The following MYO3B variants were observed in gnomAD, a reference collection of about 807,000 sequenced individuals.
The protein encoded by MYO3B is myosin-IIIb.
A neutral mutation model predicts 174.6 loss-of-function variants in MYO3B; 156 were observed. The observed-to-expected ratio is 0.89, with a 90% CI of 0.78 to 1.02. MYO3B has a LOEUF of 1.02. Among genes scored for constraint, MYO3B ranks in the 50% least tolerant of loss-of-function variants. MYO3B has a pLI of 0.00. For synonymous variants in MYO3B, 563 were observed against 569.1 expected, an observed-to-expected ratio of 0.99 and a Z score of 0.15; for missense variants, 1,632 against 1,639.4, an observed-to-expected ratio of 1.00 and a Z score of 0.08.
intron 32 of MYO3B, among the ~76,000 whole-genome samples, chr2:170,627,487 T>C (rs1371351368): frequency 6.6e-6 from 1 of 152,188 alleles, no homozygotes; most frequent in African/African-American, 2.4e-5. Context: ...TTCTTTGCGA[T>C]GGGTTCGAAC....
chr2:170,515,026 G>C lies in MYO3B; in HGVS notation c.3472+4G>C, dbSNP rs1197790248. The C allele has an allele frequency of 1.2e-6, 2 of 1,612,436 alleles. No homozygotes were observed. The highest frequency in any genetic ancestry group is 4.5e-5 in the East Asian group (2 of 44,868). ...AGCGAGCCTGGTGACCATAAAGGTA[G>C]AGTCTTTCGAGATTTAGAATGAGTG... On this transcript the variant is annotated splice_donor_region_variant and intron_variant, in intron 29 of 34. Transcript: ENST00000408978.
intron 6 of MYO3B, among the ~76,000 whole-genome samples, chr2:170,219,673 T>C (rs932197146): frequency 4.6e-5 from 7 of 151,598 alleles, no homozygotes; most frequent in African/African-American, 1.2e-4. Flanking sequence ...GTTGAATGAA[T>C]GAATGCATCC....
chr2:170,524,714 C>T (rs895582823), intron 30 of MYO3B: 4 of 314,060 alleles, frequency 1.3e-5, no homozygotes, highest in African/African-American at 2.3e-5. Context: ...GAACTCCTGA[C>T]GTTCTAGCGA....
intron 25 of MYO3B, among the ~76,000 whole-genome samples, chr2:170,474,970 A>G (rs1019884626): frequency 1.3e-5 from 2 of 152,092 alleles, no homozygotes; most frequent in Non-Finnish European, 2.9e-5. Context: ...AAATATATAT[A>G]GTTACTATCG....
chr2:170,191,250 G>A (rs1400564746), intron 1 of MYO3B, among the ~76,000 whole-genome samples: 1 of 151,816 alleles, frequency 6.6e-6, no homozygotes, highest in African/African-American at 2.4e-5. Context: ...TCCTCAAGCA[G>A]AAGGAAAGAG....
At chr2:170,605,587 G>A (rs1455767182) in intron 32 of MYO3B, among the ~76,000 whole-genome samples, 1 of 152,172 alleles carries the variant, frequency 6.6e-6, no homozygotes, top group African/African-American at 2.4e-5. Context: ...GCCGGGCACG[G>A]TGGCTCACGC....
intron 32 of MYO3B, among the ~76,000 whole-genome samples, chr2:170,615,655 A>G (rs1265823853): frequency 6.6e-6 from 1 of 152,252 alleles, no homozygotes; most frequent in Non-Finnish European, 1.5e-5. Context: ...CTGGACGCAG[A>G]TTAGTATTGC....
chr2:170,564,033 C>A (rs1002702003), intron 32 of MYO3B, among the ~76,000 whole-genome samples: 2 of 152,210 alleles, frequency 1.3e-5, no homozygotes, highest in African/African-American at 4.8e-5. Flanking sequence ...ATCTGAGGCA[C>A]ATGTGCCCAG....
At chr2:170,529,299 C>T (rs1453758738) in intron 30 of MYO3B, among the ~76,000 whole-genome samples, 1 of 151,846 alleles carries the variant, frequency 6.6e-6, no homozygotes, top group Non-Finnish European at 1.5e-5. Flanking sequence ...CAACAAACCC[C>T]CATGACACAA....
intron 32 of MYO3B, among the ~76,000 whole-genome samples, chr2:170,630,751 AC>A: frequency 6.6e-6 from 1 of 152,314 alleles, no homozygotes; most frequent in Non-Finnish European, 1.5e-5. Flanking sequence ...CGCTGCTTAT[AC>A]CCAGGCAAAC....
At chr2:170,439,075 GT>G (rs369103393) in intron 22 of MYO3B, among the ~76,000 whole-genome samples, 10,664 of 131,658 alleles carry the variant, frequency 0.081, 386 homozygotes, top group South Asian at 0.11. Context: ...TATTTAAATT[GT>G]TTTTTTTTTT....
intron 25 of MYO3B, among the ~76,000 whole-genome samples, chr2:170,467,510 G>T (rs1684716364): frequency 7.1e-6 from 1 of 140,604 alleles, no homozygotes; most frequent in African/African-American, 2.6e-5. Flanking sequence ...TTTCTGTGAA[G>T]AAATAAGGAA....
chr2:170,493,029 C>T (rs749276922), intron 25 of MYO3B, among the ~76,000 whole-genome samples: 27 of 147,758 alleles, frequency 1.8e-4, no homozygotes, highest in Non-Finnish European at 3.5e-4. Context: ...CTTCCGCCCT[C>T]AAAGGTAATA....
chr2:170,282,266 G>C (rs2093517192), intron 7 of MYO3B, among the ~76,000 whole-genome samples: 1 of 152,048 alleles, frequency 6.6e-6, no homozygotes, highest in African/African-American at 2.4e-5. Context: ...AATCCATTTT[G>C]ATTTGATTTT....
chr2:170,617,463 C>G (rs1478633280), intron 32 of MYO3B, among the ~76,000 whole-genome samples: 2 of 152,150 alleles, frequency 1.3e-5, no homozygotes, highest in South Asian at 4.1e-4. Flanking sequence ...GGTGGTTTAA[C>G]ACAACTTTTA....
chr2:170,380,299 T>A (rs908009927), intron 9 of MYO3B, among the ~76,000 whole-genome samples: 1 of 152,108 alleles, frequency 6.6e-6, no homozygotes, highest in African/African-American at 2.4e-5. Context: ...TGCAAATTGT[T>A]GATTCCAAAT....
chr2:170,246,030 A>G (rs571411448), intron 7 of MYO3B, among the ~76,000 whole-genome samples: 95 of 152,242 alleles, frequency 6.2e-4, no homozygotes, highest in Non-Finnish European at 1.1e-3. Context: ...TTTATATACA[A>G]ATACAATTAA....
intron 32 of MYO3B, among the ~76,000 whole-genome samples, chr2:170,575,671 A>G (rs1692740619): frequency 6.6e-6 from 1 of 152,230 alleles, no homozygotes; most frequent in African/African-American, 2.4e-5. Context: ...ATGGACAAAC[A>G]TACCCTAAAA....
At position 170,653,154 on chromosome 2, in the gene MYO3B, T is replaced by C. The variant is rs1199117360; in HGVS notation, c.*33T>C. ...TTCCTAACCCTAAATCTGTCCAGAG[T>C]AGGAACATTCATGGTAATCGACTGT... On this transcript the variant is annotated 3_prime_UTR_variant, in exon 35 of 35. Coordinates refer to ENST00000408978, the MANE Select transcript of MYO3B (RefSeq NM_138995.5). 1.2e-6 allele frequency: 2 copies of C among 1,613,102 alleles called. No homozygotes were observed.
Sources: allele counts gnomAD v4.1 joint callset (sites outside exome capture counted in the v4.1 genomes callset), GRCh38; gene constraint gnomAD v4.1.1; transcripts MANE v1.5; gene names NCBI Gene and HGNC (gene_info 2026-07-23, HGNC 2026-07-21).